BPTF: variants seen among roughly 807,000 people sequenced by gnomAD.
BPTF encodes nucleosome-remodeling factor subunit BPTF.
Under a neutral mutation model 292.5 loss-of-function variants are expected in BPTF, and 18 were observed. The observed-to-expected ratio is 0.06, with a 90% confidence interval of 0.04 to 0.09. BPTF has a LOEUF of 0.09. BPTF is among the 10% of genes least tolerant of loss of function. The probability of loss-of-function intolerance (pLI) is 1.00; values close to 1 mark genes in which losing one functional copy is unlikely to be tolerated. For synonymous variants in BPTF, 1,225 were observed against 1,251.9 expected (o/e 0.98, Z 0.45); for missense variants, 2,726 against 3,498.7 (o/e 0.78, Z 5.57).
chr17:67,918,899 G>T, intron 12 of BPTF, 61 bp downstream of exon 12: 4 of 1,563,680 alleles, frequency 2.6e-6, no homozygotes, highest in South Asian at 2.2e-5. Flanking sequence ...CAGGCCAGGC[G>T]TGGGCGCTCA....
chr17:67,938,642 G>A (rs1463976547), intron 18 of BPTF, among the ~76,000 whole-genome samples: 3 of 152,130 alleles, frequency 2.0e-5, no homozygotes, highest in East Asian at 1.9e-4. Context: ...ATAGACTTCC[G>A]TGTTACAACA....
chr17:67,855,151 C>T (rs2058616576), intron 2 of BPTF, among the ~76,000 whole-genome samples: 1 of 151,986 alleles, frequency 6.6e-6, no homozygotes, highest in African/African-American at 2.4e-5. Flanking sequence ...AAATACAAAA[C>T]TTAGCCAGGT....
chr17:67,865,137 C>T (rs1230673318), intron 2 of BPTF, among the ~76,000 whole-genome samples: 7 of 152,154 alleles, frequency 4.6e-5, no homozygotes, highest in Non-Finnish European at 7.4e-5. Context: ...AAATCTGAAA[C>T]GCTCCAATGA....
rs112351030 is a variant in BPTF, at chr17:67,853,594, AT to A, written c.614-343del. ...TGTCAAATCATTCACAAATGCAGTT[AT>A]TTATTATTATTATTATTATTATTTC... is the stretch of plus-strand genomic sequence containing the variant. On this transcript the variant is annotated intron_variant, in intron 1 of 27. Coordinates refer to ENST00000306378, the MANE Select transcript of BPTF (RefSeq NM_182641.4). Among the ~76,000 whole-genome samples the A allele has an allele frequency of 1.6e-4, 23 of 148,322 alleles. 1 individual carries two copies. Among genetic ancestry groups the A allele is most frequent in the African/African-American group, 5.5e-4 (21 of 37,932 alleles).
At chr17:67,850,062 C>T (rs1023078562) in intron 1 of BPTF, among the ~76,000 whole-genome samples, 12 of 152,114 alleles carry the variant, frequency 7.9e-5, no homozygotes, top group South Asian at 2.1e-4. Flanking sequence ...TATTTACTTA[C>T]GTAGAAATCA....
intron 7 of BPTF, among the ~76,000 whole-genome samples, chr17:67,895,383 A>G (rs1043021391): frequency 4.0e-5 from 6 of 151,318 alleles, no homozygotes; most frequent in Admixed American, 2.6e-4. Context: ...TTTTGAGAAA[A>G]GTACATTTAT....
intron 10 of BPTF, among the ~76,000 whole-genome samples, chr17:67,910,641 A>G (rs1397907339): frequency 6.6e-6 from 1 of 152,052 alleles, no homozygotes; most frequent in African/African-American, 2.4e-5. Context: ...CTCTACTGAA[A>G]ATTCAAAAAT....
chr17:67,870,317 G>A (rs975749104), intron 3 of BPTF, among the ~76,000 whole-genome samples: 3 of 150,650 alleles, frequency 2.0e-5, no homozygotes, highest in Non-Finnish European at 4.4e-5. Context: ...TAGGAGGAGG[G>A]ATTCACAAGA....
chr17:67,867,078 C>T (rs2059434334), intron 3 of BPTF, among the ~76,000 whole-genome samples: 1 of 152,210 alleles, frequency 6.6e-6, no homozygotes, highest in Non-Finnish European at 1.5e-5. Context: ...TCCTGGTGGA[C>T]CGAAACATTG....
rs574189582 is a variant in BPTF, at chr17:67,910,621, G to A, written c.2993-256G>A. Among the ~76,000 whole-genome samples, 98 of 152,094 alleles carry A rather than the reference G, an allele frequency of 6.4e-4. No homozygotes were observed. In the Middle Eastern group the frequency reaches 0.01, roughly 16 times the overall value. On this transcript the variant is annotated intron_variant, in intron 10 of 27. Coordinates refer to ENST00000306378, the MANE Select transcript of BPTF (RefSeq NM_182641.4). ...TCAAGACCAGCCTGGCCAACATTGC[G>A]AAACCCTGTCTCTACTGAAAATTCA...
In BPTF at chr17:67,928,413, G is replaced by A; in HGVS notation, c.5810G>A (p.Ser1937Asn). The change falls in exon 16 of 28, where the codon AGC becomes AAC. Residue 1937 changes from serine to asparagine, a missense_variant. Ser to Asn is a conservative substitution (Grantham distance 46). Around this residue, in one of 22 missense-constraint regions of BPTF, gnomAD observed 198 missense variants for 277.1 expected, o/e 0.71. Coordinates refer to ENST00000306378, the MANE Select transcript of BPTF (RefSeq NM_182641.4). ...VIATSTTSPT[S>N]STTSTISPAQ... ...GCAACTTCCACTACTTCCCCAACAA[G>A]CAGTACAACCAGCACCATCTCTCCA... 3 of 1,613,968 alleles carry A rather than the reference G, an allele frequency of 1.9e-6. No individual in the cohort carries two copies. The highest frequency in any genetic ancestry group is 2.5e-6 in the Non-Finnish European group (3 of 1,179,934).
At chr17:67,845,927 G>A (rs766118783) in intron 1 of BPTF, among the ~76,000 whole-genome samples, 1 of 151,568 alleles carries the variant, frequency 6.6e-6, no homozygotes, top group African/African-American at 2.4e-5. Flanking sequence ...ACTTACTTGG[G>A]GAAAAAACTA....
At position 67,937,386 on chromosome 17, in the gene BPTF, A is replaced by G. The variant is rs576701831; in HGVS notation, c.6260-3053A>G. On this transcript the variant is annotated intron_variant, in intron 18 of 27. Transcript: ENST00000306378. ...GCAGGAGAATCGGACTTTGTCAAAA[A>G]AAAAAAAGAAAGAAAAGTACTTAGA... Among the ~76,000 whole-genome samples the G allele has an allele frequency of 2.1e-3, 321 of 151,890 alleles. 3 individuals are homozygous for G. The highest frequency in any genetic ancestry group is 7.5e-3 in the African/African-American group (309 of 41,472).
At chr17:67,869,827 C>CAAAAAAAAAAAAA (rs772941425) in intron 3 of BPTF, among the ~76,000 whole-genome samples, 8 of 56,424 alleles carry the variant, frequency 1.4e-4, no homozygotes, top group South Asian at 6.7e-4. Context: ...ACTAAAAATA[C>CAAAAAAAAAAAAA]AAAAAAAAAA....
chr17:67,864,743 A>G (rs59950564), intron 2 of BPTF, among the ~76,000 whole-genome samples: 31,025 of 151,954 alleles, frequency 0.2, 3,967 homozygotes, highest in East Asian at 0.66. Flanking sequence ...TGTGGATCAG[A>G]AGTATTATGG....
At chr17:67,837,478 G>T (rs2057222906) in intron 1 of BPTF, among the ~76,000 whole-genome samples, 1 of 151,770 alleles carries the variant, frequency 6.6e-6, no homozygotes, top group Non-Finnish European at 1.5e-5. Context: ...CATGATCTCA[G>T]CTCACTGCAA....
chr17:67,971,230 C>T (rs536736082), intron 26 of BPTF, among the ~76,000 whole-genome samples: 121 of 152,276 alleles, frequency 7.9e-4, no homozygotes, highest in African/African-American at 2.8e-3. Flanking sequence ...AGGCATGCGC[C>T]ACCACACCCA....
chr17:67,891,822 TTG>T lies in BPTF; in HGVS notation c.1865-19_1865-18del, dbSNP rs1397476275. ...TATTTACTTATTGTCAGCAATTGCT[TTG>T]TGGCCTATTCATTTGACAGTAGGTG... On this transcript the variant is annotated intron_variant, in intron 4 of 27. Coordinates refer to ENST00000306378, the MANE Select transcript of BPTF (RefSeq NM_182641.4). 1 of 1,539,672 alleles carries T rather than the reference TTG, an allele frequency of 6.5e-7. No individual in the cohort carries two copies. The highest frequency in any genetic ancestry group is 8.8e-7 in the Non-Finnish European group (1 of 1,142,192).
chr17:67,892,069 A>C, intron 5 of BPTF, 35 bp downstream of exon 5: 1 of 1,436,072 alleles, frequency 7.0e-7, no homozygotes. Context: ...AAATCTGTGG[A>C]ATGTGAGATA....
Sources: gnomAD v4.1 joint callset for allele counts (sites outside exome capture counted in the v4.1 genomes callset) on GRCh38, gnomAD v4.1.1 for gene constraint, gnomAD v4.1.1 regional missense constraint, MANE v1.5 for transcripts, NCBI Gene and HGNC (gene_info 2026-07-23, HGNC 2026-07-21) for gene names.